The following ABTB3 variants were observed in gnomAD, a reference collection of about 807,000 sequenced individuals.
ABTB3 encodes ankyrin repeat and BTB domain containing 3.
the ABTB3 span, among the ~76,000 whole-genome samples, chr12:107,389,834 A>G: frequency 9.8e-6 from 1 of 101,854 alleles, no homozygotes; most frequent in African/African-American, 4.3e-5. Context: ...ATGCTGGGGC[A>G]TGTGTGTGTG....
At chr12:107,478,523 TAAAGA>T in the ABTB3 span, among the ~76,000 whole-genome samples, 5 of 152,146 alleles carry the variant, frequency 3.3e-5, no homozygotes, top group African/African-American at 7.2e-5. Context: ...AATAACTAAT[TAAAGA>T]AAAGAATTAA....
At chr12:107,627,921 A>G in the ABTB3 span, among the ~76,000 whole-genome samples, 1 of 152,236 alleles carries the variant, frequency 6.6e-6, no homozygotes, top group Non-Finnish European at 1.5e-5. Flanking sequence ...GATACCCTAC[A>G]TCACTTGCTG....
At chr12:107,635,763 A>G in the ABTB3 span, among the ~76,000 whole-genome samples, 7 of 151,812 alleles carry the variant, frequency 4.6e-5, no homozygotes, top group Non-Finnish European at 8.8e-5. Context: ...TTCCTCACTC[A>G]GAAGGAATGA....
the ABTB3 span, among the ~76,000 whole-genome samples, chr12:107,455,467 A>G: frequency 6.6e-6 from 1 of 151,336 alleles, no homozygotes; most frequent in African/African-American, 2.4e-5. Context: ...TTTCCCCTAC[A>G]GATAGTGAGC....
At chr12:107,509,316 G>T in the ABTB3 span, among the ~76,000 whole-genome samples, 1 of 152,188 alleles carries the variant, frequency 6.6e-6, no homozygotes, top group South Asian at 2.1e-4. Flanking sequence ...ACCACCAAAA[G>T]AATAAGATGT....
the ABTB3 span, among the ~76,000 whole-genome samples, chr12:107,482,030 G>A: frequency 6.6e-6 from 1 of 151,948 alleles, no homozygotes; most frequent in Non-Finnish European, 1.5e-5. Context: ...AGGAAGTGAT[G>A]CCCTGAATGA....
chr12:107,466,873 G>A, the ABTB3 span, among the ~76,000 whole-genome samples: 81 of 152,104 alleles, frequency 5.3e-4, no homozygotes, highest in Non-Finnish European at 1.1e-3. Context: ...GGCCTTTGAA[G>A]GATGGATAGG....
At chr12:107,658,138 G>C in the ABTB3 span, 1 of 165,196 alleles carries the variant, frequency 6.1e-6, no homozygotes, top group African/African-American at 2.4e-5. Flanking sequence ...GTCAACCATG[G>C]TAGCAAATTG....
the ABTB3 span, among the ~76,000 whole-genome samples, chr12:107,322,223 G>C: frequency 7.9e-5 from 12 of 152,230 alleles, no homozygotes; most frequent in African/African-American, 2.9e-4. Flanking sequence ...TTTTGGGCAG[G>C]GTGAGTGTGT....
At chr12:107,442,036 G>A in the ABTB3 span, among the ~76,000 whole-genome samples, 418 of 152,280 alleles carry the variant, frequency 2.7e-3, 2 homozygotes, top group African/African-American at 9.5e-3. Context: ...CCAGAGACGC[G>A]ATTTTAGTAA....
chr12:107,607,814 G>GT, the ABTB3 span, among the ~76,000 whole-genome samples: 1 of 152,296 alleles, frequency 6.6e-6, no homozygotes, highest in Admixed American at 6.5e-5. Context: ...TATGAGTGAT[G>GT]TGTCAGATGA....
chr12:107,633,744 G>A, the ABTB3 span, among the ~76,000 whole-genome samples: 12,812 of 152,210 alleles, frequency 0.084, 636 homozygotes, highest in Middle Eastern at 0.11. Context: ...AGCCCAGGTC[G>A]AACCCATGAC....
At chr12:107,527,976 G>A in the ABTB3 span, among the ~76,000 whole-genome samples, 305 of 152,278 alleles carry the variant, frequency 2.0e-3, no homozygotes, top group Admixed American at 4.0e-3. Flanking sequence ...GTGAGAAAAG[G>A]GTGACAATAC....
At chr12:107,454,622 G>A in the ABTB3 span, among the ~76,000 whole-genome samples, 2 of 152,126 alleles carry the variant, frequency 1.3e-5, no homozygotes, top group African/African-American at 2.4e-5. Flanking sequence ...TTTCAGGCAG[G>A]CCCAGGTGCA....
chr12:107,413,822 C>T, the ABTB3 span, among the ~76,000 whole-genome samples: 3 of 152,230 alleles, frequency 2.0e-5, no homozygotes, highest in East Asian at 3.8e-4. Context: ...ATTTGTAAAA[C>T]TCCCCAGGTA....
the ABTB3 span, among the ~76,000 whole-genome samples, chr12:107,481,988 T>G: frequency 5.3e-5 from 8 of 151,494 alleles, no homozygotes; most frequent in African/African-American, 1.7e-4. Context: ...TTAGGGAATA[T>G]GTCCATCCCT....
chr12:107,603,578 T>C, the ABTB3 span, among the ~76,000 whole-genome samples: 1 of 152,124 alleles, frequency 6.6e-6, no homozygotes, highest in Non-Finnish European at 1.5e-5. Context: ...GCTCAAAATG[T>C]AAGACCTGAA....
At chr12:107,640,924 A>G in the ABTB3 span, among the ~76,000 whole-genome samples, 1 of 152,220 alleles carries the variant, frequency 6.6e-6, no homozygotes, top group Non-Finnish European at 1.5e-5. Context: ...GTTTAGAACC[A>G]CATTGTCCAG....
the ABTB3 span, among the ~76,000 whole-genome samples, chr12:107,460,524 T>A: frequency 6.6e-6 from 1 of 152,146 alleles, no homozygotes; most frequent in Non-Finnish European, 1.5e-5. Context: ...CTGGGTGTGA[T>A]GGCACGCCCC....
Sources: allele counts gnomAD v4.1 joint callset (sites outside exome capture counted in the v4.1 genomes callset), GRCh38; gene constraint gnomAD v4.1.1; transcripts MANE v1.5; gene names NCBI Gene and HGNC (gene_info 2026-07-23, HGNC 2026-07-21).